The following DDA1 variants were observed in gnomAD, a reference collection of about 807,000 sequenced individuals.
DDA1 encodes DET1 and DDB1 associated 1, also known as DET1- and DDB1-associated protein 1.
A neutral mutation model predicts 18.6 loss-of-function variants in DDA1; 3 were observed. The observed-to-expected ratio is 0.16, with a 90% CI of 0.07 to 0.42. The LOEUF (loss-of-function observed/expected upper bound fraction) is 0.42, where lower values mean the gene tolerates loss of function less well. DDA1 is among the 10% of genes least tolerant of loss of function. The pLI, the probability that DDA1 is intolerant of heterozygous loss-of-function variation, is 0.99. For missense variants in DDA1, 105 were observed against 138.2 expected (o/e 0.76, Z 1.20); for synonymous variants, 52 against 54.0 (o/e 0.96, Z 0.17).
intron 4 of DDA1, among the ~76,000 whole-genome samples, chr19:17,317,201 G>A (rs535806830): frequency 3.3e-5 from 5 of 152,162 alleles, no homozygotes; most frequent in Admixed American, 6.5e-5. Flanking sequence ...CTGCAGCCTG[G>A]GCGGTCTCAA....
At chr19:17,315,574 C>T (rs923586884) in intron 3 of DDA1, among the ~76,000 whole-genome samples, 12 of 151,634 alleles carry the variant, frequency 7.9e-5, no homozygotes, top group African/African-American at 2.2e-4. Flanking sequence ...TGAGACCCTG[C>T]TCTTAAAGCA....
Position 17,321,352 on chromosome 19 carries a change from G to A in DDA1, c.*1696G>A, listed in dbSNP as rs2363962. 0.35 allele frequency: 53,045 copies of A among 151,864 alleles called. 10,889 individuals carry two copies. Among genetic ancestry groups the A allele is most frequent in the African/African-American group, 0.56 (23,315 of 41,404 alleles). 9.4% of individuals were successfully genotyped at this position (151,864 alleles called of 1,614,324 possible). A position where few individuals can be genotyped will look rare whatever the true frequency, so the allele number is the denominator to read the frequency against. On this transcript the variant is annotated 3_prime_UTR_variant, in exon 5 of 5. Coordinates refer to ENST00000359866, the MANE Select transcript of DDA1 (RefSeq NM_024050.6). Reference sequence around the variant, plus strand: ...TTGTCATGTTGGCCAGGCTGGTCTCGAACTCCTGACCTCAGGTGCTTCGCC... The same window carrying A: ...TTGTCATGTTGGCCAGGCTGGTCTCAAACTCCTGACCTCAGGTGCTTCGCC...
At chr19:17,311,058 G>A (rs2074176450) in intron 1 of DDA1, among the ~76,000 whole-genome samples, 1 of 152,112 alleles carries the variant, frequency 6.6e-6, no homozygotes, top group Non-Finnish European at 1.5e-5. Context: ...GATTCCCTAT[G>A]TTGCCCAGGC....
chr19:17,315,171 ATACACACACGTGTATACACACACGTG>A lies in DDA1; in HGVS notation c.137-760_137-735del, dbSNP rs1188742235. Among the ~76,000 whole-genome samples, 3 of 63,702 alleles carry A rather than the reference ATACACACACGTGTATACACACACGTG, an allele frequency of 4.7e-5. 1 individual carries two copies. Among genetic ancestry groups the A allele is most frequent in the African/African-American group, 9.3e-5 (1 of 10,732 alleles). The allele number at this position is 63,702 out of a possible 152,430, so 41.8% of individuals were successfully genotyped here. ...CACACGTATATATACACACGTGTAT[ATACACACACGTGTATACACACACGTG>A]TATACACACGTGTATATACACACAC... On this transcript the variant is annotated intron_variant, in intron 3 of 4. Coordinates refer to ENST00000359866, the MANE Select transcript of DDA1 (RefSeq NM_024050.6).
rs533395936 is a variant in DDA1, at chr19:17,323,198, C to T, written c.*3542C>T. Reference sequence around the variant, plus strand: ...CACCCAGACTCCCCCACCCCCACTCCCTTTTCCACTGCTCTGACCTCGGGC... The same window carrying T: ...CACCCAGACTCCCCCACCCCCACTCTCTTTTCCACTGCTCTGACCTCGGGC... On this transcript the variant is annotated 3_prime_UTR_variant, in exon 5 of 5. Coordinates refer to ENST00000359866, the MANE Select transcript of DDA1 (RefSeq NM_024050.6). 1 of 159,852 alleles carries T rather than the reference C, an allele frequency of 6.3e-6. No homozygotes were observed. Among genetic ancestry groups the T allele is most frequent in the Admixed American group, 6.5e-5 (1 of 15,424 alleles). 9.9% of individuals were successfully genotyped at this position (159,852 alleles called of 1,614,324 possible).
rs2074228994 is a variant in DDA1, at chr19:17,319,482, C to T, written c.199-64C>T. Reference sequence around the variant, plus strand: ...GGCTGAGCTGGGAGGATTGCTTGAGCCCAGAAGGTTGAGGCTGTCCGAAAA... The same window carrying T: ...GGCTGAGCTGGGAGGATTGCTTGAGTCCAGAAGGTTGAGGCTGTCCGAAAA... On this transcript the variant is annotated intron_variant, in intron 4 of 4. Transcript: ENST00000359866. 9.3e-6 allele frequency: 13 copies of T among 1,401,480 alleles called. No homozygotes were observed. The Admixed American group carries it at 2.6e-4, about 28-fold the overall frequency. 86.8% of individuals were successfully genotyped at this position (1,401,480 alleles called of 1,614,324 possible). A position where few individuals can be genotyped will look rare whatever the true frequency, so the allele number is the denominator to read the frequency against.
intron 1 of DDA1, among the ~76,000 whole-genome samples, chr19:17,311,301 G>C (rs1427555269): frequency 6.6e-6 from 1 of 151,880 alleles, no homozygotes; most frequent in Non-Finnish European, 1.5e-5. Flanking sequence ...AAGTAGGTGG[G>C]ACCCACCACC....
intron 3 of DDA1, 63 bp from the exon 4 acceptor site, chr19:17,315,871 A>C: frequency 6.7e-7 from 1 of 1,488,882 alleles, no homozygotes; most frequent in East Asian, 2.3e-5. Context: ...CTCCCAGGGC[A>C]GTGTCAGGGG....
At position 17,314,290 on chromosome 19, in the gene DDA1, C is replaced by G. The variant is rs372867790; in HGVS notation, c.85-48C>G. The G allele has an allele frequency of 1.2e-5, 20 of 1,611,280 alleles. No individual in the cohort carries two copies. Among genetic ancestry groups the G allele is most frequent in the Non-Finnish European group, 1.6e-5 (19 of 1,177,552 alleles). ...TGCTGAGTGGAGGGATGAGGAGACC[C>G]CAGGCCCATGCACTCTCCTAACCCA... On this transcript the variant is annotated intron_variant, in intron 2 of 4. Transcript: ENST00000359866. The surrounding 1 kb of genome is among the most constrained non-coding windows in gnomAD (Gnocchi z 4.6).
rs1344088482 is a variant in DDA1, at chr19:17,315,286, C to CTATATATATACACACGTG, written c.137-634_137-617dup. Among the ~76,000 whole-genome samples the CTATATATATACACACGTG allele has an allele frequency of 4.1e-4, 12 of 29,196 alleles. 1 individual carries two copies. The highest frequency in any genetic ancestry group is 3.8e-3 in the East Asian group (12 of 3,118). 19.2% of individuals were successfully genotyped at this position (29,196 alleles called of 152,430 possible). ...ATACACACACGTGTATATACACACA[C>CTATATATATACACACGTG]TATATATATACACACGTGTATATAT... On this transcript the variant is annotated intron_variant, in intron 3 of 4. Coordinates refer to ENST00000359866, the MANE Select transcript of DDA1 (RefSeq NM_024050.6).
chr19:17,314,489 G>A lies in DDA1; in HGVS notation c.136+100G>A, dbSNP rs2074193515. On this transcript the variant is annotated intron_variant, in intron 3 of 4. Transcript: ENST00000359866. This position sits in a 1 kb window ranked among gnomAD's most constrained non-coding sequence, Gnocchi z 4.6. ...GAGGTTATCTTCAACCCCGGCCCAG[G>A]CCATAGACTTGGCTTGGGTTCACAC... is the stretch of plus-strand genomic sequence containing the variant. 1 of 1,512,824 alleles carries A rather than the reference G, an allele frequency of 6.6e-7. No homozygotes were observed. Among genetic ancestry groups the A allele is most frequent in the Non-Finnish European group, 9.1e-7 (1 of 1,094,468 alleles). 93.7% of individuals were successfully genotyped at this position (1,512,824 alleles called of 1,614,324 possible). A position where few individuals can be genotyped will look rare whatever the true frequency, so the allele number is the denominator to read the frequency against.
intron 4 of DDA1, among the ~76,000 whole-genome samples, chr19:17,317,825 C>T (rs2074221203): frequency 1.3e-5 from 2 of 149,468 alleles, no homozygotes; most frequent in Non-Finnish European, 3.0e-5. Flanking sequence ...GGCAACAGAA[C>T]CAGACTCTGT....
intron 1 of DDA1, among the ~76,000 whole-genome samples, chr19:17,310,825 A>G (rs1295842496): frequency 2.0e-5 from 3 of 152,158 alleles, no homozygotes; most frequent in Non-Finnish European, 1.5e-5. Context: ...GAATTCATCC[A>G]TGGCTTCATG....
chr19:17,315,671 C>A, intron 3 of DDA1: 1 of 542,160 alleles, frequency 1.8e-6, no homozygotes, highest in South Asian at 2.1e-5. Context: ...CTGGGAGAAA[C>A]ATAGGCATGA....
chr19:17,315,145 ACACACGTATATATACACACG>A lies in DDA1; in HGVS notation c.136+757_137-769del, dbSNP rs1284663445. 1.5e-4 allele frequency among the ~76,000 whole-genome samples: 14 copies of A among 94,746 alleles called. 1 individual carries two copies. Among genetic ancestry groups the A allele is most frequent in the African/African-American group, 4.9e-4 (8 of 16,310 alleles). The allele number at this position is 94,746 out of a possible 152,430, so 62.2% of individuals were successfully genotyped here. A position where few individuals can be genotyped will look rare whatever the true frequency, so the allele number is the denominator to read the frequency against. On this transcript the variant is annotated intron_variant, in intron 3 of 4. Transcript: ENST00000359866. ...CGTATATATACACACATATATATAC[ACACACGTATATATACACACG>A]TGTATATACACACACGTGTATACAC...
intron 4 of DDA1, among the ~76,000 whole-genome samples, chr19:17,318,142 T>A (rs1400033298): frequency 6.6e-6 from 1 of 151,814 alleles, no homozygotes; most frequent in African/African-American, 2.4e-5. Flanking sequence ...AGTCTCCACC[T>A]CCCAGGTTCA....
rs1373852462 is a variant in DDA1 at position 17,316,004 on chromosome 19, C to T, written c.198+9C>T. On this transcript the variant is annotated intron_variant, in intron 4 of 4. Transcript: ENST00000359866. ...AGCAATGGGACAAAAAGGTGAGGCC[C>T]ACAGGGCTCTGGTGCAGGGATTGTG... 3.7e-6 allele frequency: 6 copies of T among 1,613,984 alleles called. No homozygotes were observed. The highest frequency in any genetic ancestry group is 5.1e-6 in the Non-Finnish European group (6 of 1,179,974).
intron 1 of DDA1, among the ~76,000 whole-genome samples, chr19:17,310,584 A>T (rs2074174560): frequency 6.6e-6 from 1 of 152,156 alleles, no homozygotes; most frequent in Admixed American, 6.5e-5. Context: ...AGCTTGGTCA[A>T]GATACCTCAA....
At chr19:17,315,090 CGTATATATACACACATATA>C in intron 3 of DDA1, among the ~76,000 whole-genome samples, 1 of 140,900 alleles carries the variant, frequency 7.1e-6, no homozygotes, top group African/African-American at 2.7e-5. Flanking sequence ...CATATATATA[CGTATATATACACACATATA>C]TATACACACA....
Sources: allele counts gnomAD v4.1 joint callset (sites outside exome capture counted in the v4.1 genomes callset), GRCh38; gene constraint gnomAD v4.1.1; non-coding constraint Gnocchi (gnomAD v3.1); transcripts MANE v1.5; gene names NCBI Gene and HGNC (gene_info 2026-07-23, HGNC 2026-07-21).